Variants in TMEM135 observed in about 807,000 individuals in gnomAD.
TMEM135 encodes peroxisomal membrane protein 52.
A neutral mutation model predicts 60.3 loss-of-function variants in TMEM135; 30 were observed. The ratio of observed to expected loss-of-function variants is 0.50; its 90% confidence interval spans 0.37 to 0.68. TMEM135 has a LOEUF of 0.68. Among genes scored for constraint, TMEM135 ranks in the 30% least tolerant of loss-of-function variants. TMEM135 has a pLI of 0.00. For synonymous variants in TMEM135, 190 were observed against 186.7 expected, an observed-to-expected ratio of 1.02 and a Z score of -0.14; for missense variants, 468 against 548.8, an observed-to-expected ratio of 0.85 and a Z score of 1.47.
chr11:87,253,624 G>A (rs185413491), intron 6 of TMEM135, among the ~76,000 whole-genome samples: 10 of 26,416 alleles, frequency 3.8e-4, no homozygotes, highest in African/African-American at 1.2e-3. Flanking sequence ...TGAACTTAAA[G>A]GATGAGCCAT....
Position 87,324,458 on chromosome 11 carries a change from G to C in TMEM135, c.*3125G>C, listed in dbSNP as rs985166315. 5 of 453,844 alleles carry C rather than the reference G, an allele frequency of 1.1e-5. No homozygotes were observed. The highest frequency in any genetic ancestry group is 8.0e-5 in the African/African-American group (4 of 49,958). 28.1% of individuals were successfully genotyped at this position (453,844 alleles called of 1,614,324 possible). A position where few individuals can be genotyped will look rare whatever the true frequency, so the allele number is the denominator to read the frequency against. On this transcript the variant is annotated 3_prime_UTR_variant, in exon 15 of 15. Transcript: ENST00000305494. ...ATTTTTTGAGTTGAGGTCTAGCTCTGTTGCCCGGGTTGGAGTACAGTGGTG... is the reference window on the plus strand; with the variant it reads ...ATTTTTTGAGTTGAGGTCTAGCTCTCTTGCCCGGGTTGGAGTACAGTGGTG...
At chr11:87,281,380 GCAGA>G (rs1332192106) in intron 6 of TMEM135, among the ~76,000 whole-genome samples, 1 of 152,158 alleles carries the variant, frequency 6.6e-6, no homozygotes, top group East Asian at 1.9e-4. Flanking sequence ...GGGGACACAT[GCAGA>G]CAAACACGTT....
chr11:87,264,702 T>C (rs1442561999), intron 6 of TMEM135, among the ~76,000 whole-genome samples: 2 of 151,896 alleles, frequency 1.3e-5, no homozygotes, highest in Non-Finnish European at 3.0e-5. Context: ...ATATAGTCAG[T>C]TGTCATTTAA....
In TMEM135 at chr11:87,322,375, A is replaced by G. The variant is rs1157184202; in HGVS notation, c.*1042A>G. 2 of 453,822 alleles carry G rather than the reference A, an allele frequency of 4.4e-6. No individual in the cohort carries two copies. Among genetic ancestry groups the G allele is most frequent in the Non-Finnish European group, 8.8e-6 (2 of 226,746 alleles). 28.1% of individuals were successfully genotyped at this position (453,822 alleles called of 1,614,324 possible). On this transcript the variant is annotated 3_prime_UTR_variant, in exon 15 of 15. Coordinates refer to ENST00000305494, the MANE Select transcript of TMEM135 (RefSeq NM_022918.4). ...AGTCCATTTGTCACTAATTCCATTC[A>G]GGTTCTCCAACCTTCTTCTTGAATA...
chr11:87,214,102 G>A (rs1239379431), intron 5 of TMEM135, among the ~76,000 whole-genome samples: 1 of 152,152 alleles, frequency 6.6e-6, no homozygotes, highest in African/African-American at 2.4e-5. Context: ...AGTAGTAGTT[G>A]TTATAATCAT....
At chr11:87,184,936 GTTAAAATTTC>G (rs1407249095) in intron 5 of TMEM135, among the ~76,000 whole-genome samples, 1 of 152,060 alleles carries the variant, frequency 6.6e-6, no homozygotes, top group Non-Finnish European at 1.5e-5. Flanking sequence ...TGATTTTTCA[GTTAAAATTTC>G]TTTTTATTTT....
chr11:87,315,817 A>G (rs1463755586), intron 12 of TMEM135, among the ~76,000 whole-genome samples: 1 of 152,016 alleles, frequency 6.6e-6, no homozygotes, highest in African/African-American at 2.4e-5. Flanking sequence ...TTTTTAAAGT[A>G]TCATTATGAA....
intron 1 of TMEM135, among the ~76,000 whole-genome samples, chr11:87,061,139 T>C (rs1949942658): frequency 6.6e-6 from 1 of 152,210 alleles, no homozygotes; most frequent in Non-Finnish European, 1.5e-5. Flanking sequence ...GCACAAGTGC[T>C]ATATAAGCAT....
chr11:87,168,153 A>T (rs1209647554), intron 5 of TMEM135, among the ~76,000 whole-genome samples: 3 of 151,932 alleles, frequency 2.0e-5, no homozygotes, highest in Non-Finnish European at 2.9e-5. Flanking sequence ...ATCAATGGTG[A>T]TATCTCTTTT....
intron 6 of TMEM135, among the ~76,000 whole-genome samples, chr11:87,274,147 A>G (rs1237346036): frequency 6.6e-6 from 1 of 152,176 alleles, no homozygotes; most frequent in Non-Finnish European, 1.5e-5. Flanking sequence ...ATTCCTTCCT[A>G]ATCTAGGTAT....
intron 6 of TMEM135, chr11:87,259,110 G>A (rs1401742431): frequency 1.7e-5 from 15 of 868,786 alleles, no homozygotes; most frequent in Admixed American, 3.6e-5. Flanking sequence ...GACCCTCTTC[G>A]GAAACATCTC....
At chr11:87,243,046 G>T (rs1389977447) in intron 6 of TMEM135, among the ~76,000 whole-genome samples, 1 of 132,360 alleles carries the variant, frequency 7.6e-6, no homozygotes. Context: ...GTAAGGAAGG[G>T]ATCCAGTTTC....
At chr11:87,114,822 A>C (rs1857838298) in intron 4 of TMEM135, among the ~76,000 whole-genome samples, 2 of 152,300 alleles carry the variant, frequency 1.3e-5, no homozygotes, top group South Asian at 4.1e-4. Context: ...AGGACTTGGA[A>C]ATAATTGTAC....
At chr11:87,111,643 T>C (rs1591027403) in intron 4 of TMEM135, among the ~76,000 whole-genome samples, 1 of 115,078 alleles carries the variant, frequency 8.7e-6, no homozygotes. Context: ...TGAGCAAGAC[T>C]CCGTCTCAAA....
At chr11:87,298,803 A>AAAAAAAAAAAC (rs1942394413) in intron 7 of TMEM135, among the ~76,000 whole-genome samples, 1 of 136,070 alleles carries the variant, frequency 7.3e-6, no homozygotes, top group Non-Finnish European at 1.6e-5. Flanking sequence ...AAAAAAAAAA[A>AAAAAAAAAAAC]ACAGCCGGGC....
chr11:87,038,279 G>T, intron 1 of TMEM135, 93 bp downstream of exon 1: 1 of 1,531,240 alleles, frequency 6.5e-7, no homozygotes, highest in Non-Finnish European at 8.9e-7. Flanking sequence ...TGGGGGACTT[G>T]CCTTGTGTCG....
chr11:87,166,467 G>A (rs1035292427), intron 5 of TMEM135, among the ~76,000 whole-genome samples: 1 of 151,618 alleles, frequency 6.6e-6, no homozygotes, highest in African/African-American at 2.4e-5. Flanking sequence ...AATCCATCTC[G>A]AGTTAATTTT....
At chr11:87,089,875 TA>T (rs916267037) in intron 3 of TMEM135, among the ~76,000 whole-genome samples, 1 of 152,154 alleles carries the variant, frequency 6.6e-6, no homozygotes, top group Non-Finnish European at 1.5e-5. Context: ...AAAAGGACAT[TA>T]AAAAAACCTT....
intron 5 of TMEM135, among the ~76,000 whole-genome samples, chr11:87,213,066 G>A (rs1360492703): frequency 6.6e-6 from 1 of 152,020 alleles, no homozygotes; most frequent in Admixed American, 6.5e-5. Flanking sequence ...TTCTTATGGA[G>A]CTTACATTCC....
Sources: allele counts gnomAD v4.1 joint callset (sites outside exome capture counted in the v4.1 genomes callset), GRCh38; gene constraint gnomAD v4.1.1; transcripts MANE v1.5; gene names NCBI Gene and HGNC (gene_info 2026-07-23, HGNC 2026-07-21).